NALCN: variants seen among roughly 807,000 people sequenced by gnomAD.
NALCN encodes the protein sodium leak channel NALCN.
A neutral mutation model predicts 225.3 loss-of-function variants in NALCN; 111 were observed. The ratio of observed to expected loss-of-function variants is 0.49; its 90% CI spans 0.42 to 0.58. The LOEUF (loss-of-function observed/expected upper bound fraction) is 0.58. Ranked by LOEUF, NALCN falls within the 20% of genes least tolerant of loss-of-function variation. The pLI is 0.00. For synonymous variants in NALCN, 764 were observed against 769.0 expected, an observed-to-expected ratio of 0.99 and a Z score of 0.11; for missense variants, 1,378 against 2,202.4, an observed-to-expected ratio of 0.63 and a Z score of 7.49.
intron 13 of NALCN, among the ~76,000 whole-genome samples, chr13:101,204,977 T>TG (rs2040257906): frequency 6.6e-6 from 1 of 152,124 alleles, no homozygotes; most frequent in Non-Finnish European, 1.5e-5. Flanking sequence ...GATGGAGAGC[T>TG]GAAGTACATA....
intron 15 of NALCN, among the ~76,000 whole-genome samples, chr13:101,174,133 C>T (rs1486405728): frequency 2.0e-5 from 3 of 152,084 alleles, no homozygotes; most frequent in African/African-American, 7.2e-5. Context: ...TAATGAATTT[C>T]AGGTTCAACG....
intron 10 of NALCN, among the ~76,000 whole-genome samples, chr13:101,262,102 G>A (rs1038019441): frequency 2.6e-5 from 4 of 152,172 alleles, no homozygotes; most frequent in African/African-American, 9.7e-5. Flanking sequence ...GAATTGAAAT[G>A]ATCATATAGC....
chr13:101,294,272 T>G (rs1432939520), intron 7 of NALCN, among the ~76,000 whole-genome samples: 3 of 152,038 alleles, frequency 2.0e-5, no homozygotes, highest in Non-Finnish European at 4.4e-5. Context: ...CAGACGAGGG[T>G]GATTATAGTT....
chr13:101,229,617 A>G (rs2140133226), intron 12 of NALCN, 33 bp from the exon 13 acceptor site: 2 of 1,472,008 alleles, frequency 1.4e-6, no homozygotes, highest in East Asian at 5.0e-5. Flanking sequence ...TTATTTACAC[A>G]TATGATCATT....
chr13:101,072,180 G>C (rs569563541), intron 37 of NALCN, among the ~76,000 whole-genome samples: 91 of 152,198 alleles, frequency 6.0e-4, no homozygotes, highest in Non-Finnish European at 1.1e-3. Flanking sequence ...ACCAAAATGT[G>C]ATACAGAACC....
chr13:101,322,859 C>T (rs1173188355), intron 7 of NALCN, among the ~76,000 whole-genome samples: 1 of 151,922 alleles, frequency 6.6e-6, no homozygotes, highest in African/African-American at 2.4e-5. Context: ...ATTACAGGTG[C>T]CCACCACCAT....
chr13:101,269,749 T>C (rs993337102), intron 10 of NALCN, among the ~76,000 whole-genome samples: 1 of 152,212 alleles, frequency 6.6e-6, no homozygotes, highest in Non-Finnish European at 1.5e-5. Context: ...GGCCTCACTA[T>C]ACATGTTCCA....
intron 6 of NALCN, among the ~76,000 whole-genome samples, chr13:101,372,763 T>C (rs971146701): frequency 3.3e-5 from 5 of 152,060 alleles, no homozygotes; most frequent in Non-Finnish European, 5.9e-5. Flanking sequence ...AAAAGATGTC[T>C]ATATACCTTC....
At chr13:101,063,686 G>A (rs2032142697) in intron 40 of NALCN, among the ~76,000 whole-genome samples, 1 of 151,940 alleles carries the variant, frequency 6.6e-6, no homozygotes, top group Non-Finnish European at 1.5e-5. Context: ...TTGATAACTT[G>A]AGAGAACTTT....
intron 7 of NALCN, among the ~76,000 whole-genome samples, chr13:101,293,614 G>A (rs2043628850): frequency 6.6e-6 from 1 of 152,126 alleles, no homozygotes; most frequent in South Asian, 2.1e-4. Flanking sequence ...TCCAAACAAA[G>A]AGGAGAGTTG....
intron 9 of NALCN, among the ~76,000 whole-genome samples, chr13:101,289,529 T>C (rs1482378693): frequency 1.8e-5 from 2 of 108,714 alleles, no homozygotes; most frequent in Admixed American, 1.9e-4. Context: ...AATGTGCATA[T>C]ATATATATAT....
chr13:101,328,904 A>G (rs935800468), intron 7 of NALCN, among the ~76,000 whole-genome samples: 2 of 152,114 alleles, frequency 1.3e-5, no homozygotes, highest in African/African-American at 4.8e-5. Context: ...AATACTCACT[A>G]TTGTAGCTCT....
chr13:101,104,957 G>A lies in NALCN; in HGVS notation c.2580-7C>T, dbSNP rs368616205. 2.2e-5 allele frequency: 35 copies of A among 1,612,410 alleles called. No individual in the cohort carries two copies. Among genetic ancestry groups the A allele is most frequent in the Admixed American group, 1.8e-4 (11 of 59,870 alleles). On this transcript the variant is annotated splice_polypyrimidine_tract_variant and splice_region_variant and intron_variant, in intron 22 of 43. Transcript: ENST00000251127. The surrounding 1 kb of genome is among the most constrained non-coding windows in gnomAD (Gnocchi z 4.2). ...GACAGGGTCTGTTTTAGATCTGTAA[G>A]AGAACACATATATAAAATTCTGCAA...
chr13:101,128,452 G>T (rs2036348866), intron 17 of NALCN, among the ~76,000 whole-genome samples: 1 of 152,154 alleles, frequency 6.6e-6, no homozygotes, highest in Non-Finnish European at 1.5e-5. Flanking sequence ...TATGAATCTT[G>T]CTGATTTTTT....
chr13:101,238,882 T>C (rs1372944733), intron 11 of NALCN, among the ~76,000 whole-genome samples: 1 of 151,946 alleles, frequency 6.6e-6, no homozygotes, highest in Non-Finnish European at 1.5e-5. Context: ...TTAATAATAG[T>C]GTTTTAAGAA....
intron 15 of NALCN, among the ~76,000 whole-genome samples, chr13:101,145,680 A>T (rs1166252741): frequency 1.3e-5 from 2 of 152,114 alleles, no homozygotes; most frequent in Non-Finnish European, 2.9e-5. Context: ...TTTCTCTCCC[A>T]GTGCCGACGT....
intron 7 of NALCN, among the ~76,000 whole-genome samples, 166 bp downstream of exon 7, chr13:101,345,100 G>A (rs2045677165): frequency 6.6e-6 from 1 of 152,170 alleles, no homozygotes; most frequent in South Asian, 2.1e-4. Flanking sequence ...GCTACGCACT[G>A]TCGGGTAGAA....
intron 6 of NALCN, among the ~76,000 whole-genome samples, chr13:101,359,929 G>A (rs2046180360): frequency 1.3e-5 from 2 of 151,966 alleles, no homozygotes; most frequent in African/African-American, 2.4e-5. Flanking sequence ...AGATTTGAGA[G>A]GTACCTTTTA....
At chr13:101,175,050 T>C (rs1345364250) in intron 15 of NALCN, among the ~76,000 whole-genome samples, 5 of 152,214 alleles carry the variant, frequency 3.3e-5, no homozygotes, top group African/African-American at 9.6e-5. Context: ...AGTATTTTCA[T>C]TGATGGCATA....
Sources: gnomAD v4.1 joint callset for allele counts (sites outside exome capture counted in the v4.1 genomes callset) on GRCh38, gnomAD v4.1.1 for gene constraint, Gnocchi (gnomAD v3.1) non-coding constraint, MANE v1.5 for transcripts, NCBI Gene and HGNC (gene_info 2026-07-23, HGNC 2026-07-21) for gene names.